Variants in NUP155 observed in about 807,000 individuals in gnomAD.
The protein encoded by NUP155 is nucleoporin 155.
A neutral mutation model predicts 180.4 loss-of-function variants in NUP155; 71 were observed. The observed-to-expected ratio is 0.39, with a 90% CI of 0.33 to 0.48. The LOEUF is 0.48. Among genes scored for constraint, NUP155 ranks in the 20% least tolerant of loss-of-function variants. The pLI is 0.91. For synonymous variants in NUP155, 582 were observed against 559.5 expected, an observed-to-expected ratio of 1.04 and a Z score of -0.57; for missense variants, 1,553 against 1,648.9, an observed-to-expected ratio of 0.94 and a Z score of 1.01.
intron 21 of NUP155, 129 bp from the exon 22 acceptor site, chr5:37,314,457 T>C: frequency 1.5e-6 from 1 of 677,738 alleles, no homozygotes. Context: ...GCAACCATGA[T>C]AATCAGTAGT....
chr5:37,368,578 G>A (rs1045968663), intron 1 of NUP155, among the ~76,000 whole-genome samples: 1 of 151,868 alleles, frequency 6.6e-6, no homozygotes, highest in Non-Finnish European at 1.5e-5. Flanking sequence ...CCAACACTTT[G>A]GGAGGCCGAG....
chr5:37,336,973 G>T (rs2150972285), intron 12 of NUP155, among the ~76,000 whole-genome samples: 1 of 152,334 alleles, frequency 6.6e-6, no homozygotes, highest in Middle Eastern at 3.4e-3. Context: ...CAGAGTACCA[G>T]ACATTCACAC....
intron 15 of NUP155, among the ~76,000 whole-genome samples, chr5:37,329,737 T>C (rs1040380447): frequency 3.3e-5 from 5 of 152,152 alleles, no homozygotes; most frequent in Non-Finnish European, 5.9e-5. Context: ...ATTGGCATAG[T>C]GTTTGGGGAA....
chr5:37,321,314 G>C (rs1214797825), intron 20 of NUP155, among the ~76,000 whole-genome samples: 2 of 150,952 alleles, frequency 1.3e-5, no homozygotes, highest in East Asian at 2.0e-4. Context: ...CCACTGCATT[G>C]CAGCCTGGGC....
At chr5:37,348,366 T>G (rs563179158) in intron 9 of NUP155, 139 bp downstream of exon 9, 1 of 678,462 alleles carries the variant, frequency 1.5e-6, no homozygotes, top group East Asian at 2.7e-5. Context: ...TCAAACATAA[T>G]GTAGAGTGTC....
chr5:37,337,049 A>G (rs1024995895), intron 12 of NUP155, among the ~76,000 whole-genome samples: 1 of 152,120 alleles, frequency 6.6e-6, no homozygotes, highest in African/African-American at 2.4e-5. Context: ...ACTATTCAGG[A>G]GGACAGGCAG....
chr5:37,307,944 A>G (rs1743267037), intron 24 of NUP155, among the ~76,000 whole-genome samples: 1 of 4,434 alleles, frequency 2.3e-4, no homozygotes, highest in African/African-American at 1.3e-3. Context: ...AGAAAAAGGA[A>G]AAAAAAAAAT....
chr5:37,362,144 G>C (rs558864570), intron 3 of NUP155, among the ~76,000 whole-genome samples: 1 of 152,156 alleles, frequency 6.6e-6, no homozygotes, highest in Non-Finnish European at 1.5e-5. Flanking sequence ...CAGTAAGGTA[G>C]GACTGTTTGT....
chr5:37,352,575 A>T (rs1383978568), intron 5 of NUP155, among the ~76,000 whole-genome samples, 162 bp downstream of exon 5: 1 of 152,052 alleles, frequency 6.6e-6, no homozygotes, highest in Admixed American at 6.6e-5. Flanking sequence ...CAAAAAACTA[A>T]CCCAATGTTA....
Position 37,353,778 on chromosome 5 carries a change from A to C in NUP155, c.464-949T>G, listed in dbSNP as rs1210289927. Among the ~76,000 whole-genome samples, 9 of 152,124 alleles carry C rather than the reference A, an allele frequency of 5.9e-5. No homozygotes were observed. In the South Asian group the frequency reaches 6.2e-4, roughly 11 times the overall value. The stretch of plus-strand genomic sequence containing the variant: ...GACAAAAAGTGGAATGGTTACTACC[A>C]ACTGCTGAGGGAAGGAGGAACAGGA... On this transcript the variant is annotated intron_variant, in intron 4 of 34. Transcript: ENST00000231498.
intron 12 of NUP155, among the ~76,000 whole-genome samples, chr5:37,333,908 T>A (rs1233396033): frequency 6.6e-6 from 1 of 151,972 alleles, no homozygotes; most frequent in Non-Finnish European, 1.5e-5. Context: ...TTCAAGTGAT[T>A]CTCCTGCCTC....
intron 30 of NUP155, 172 bp downstream of exon 30, chr5:37,301,265 G>A (rs1369522589): frequency 3.5e-6 from 2 of 570,946 alleles, no homozygotes; most frequent in Non-Finnish European, 6.2e-6. Flanking sequence ...CTTTTTCTAG[G>A]AGTCAGATGA....
chr5:37,301,984 G>A (rs941518341), intron 29 of NUP155, among the ~76,000 whole-genome samples: 2 of 152,214 alleles, frequency 1.3e-5, no homozygotes, highest in African/African-American at 2.4e-5. Flanking sequence ...GGTAGTGCCA[G>A]AAAATAGAAC....
intron 27 of NUP155, among the ~76,000 whole-genome samples, chr5:37,303,996 C>G (rs1409352809): frequency 6.6e-6 from 1 of 151,398 alleles, no homozygotes; most frequent in Non-Finnish European, 1.5e-5. Flanking sequence ...GCCTGTAATC[C>G]CAGCACTTCG....
At chr5:37,335,675 C>T (rs1745284373) in intron 12 of NUP155, among the ~76,000 whole-genome samples, 1 of 152,014 alleles carries the variant, frequency 6.6e-6, no homozygotes, top group Admixed American at 6.6e-5. Context: ...ATTGGCTGGA[C>T]GACACGGCTT....
At chr5:37,327,556 C>T in intron 18 of NUP155, 73 bp downstream of exon 18, 11 of 1,532,692 alleles carry the variant, frequency 7.2e-6, no homozygotes, top group Non-Finnish European at 8.1e-6. Context: ...GTCCCAAATT[C>T]AGAGTTAAAA....
At chr5:37,354,879 G>T (rs897818671) in intron 4 of NUP155, among the ~76,000 whole-genome samples, 1 of 152,028 alleles carries the variant, frequency 6.6e-6, no homozygotes, top group Non-Finnish European at 1.5e-5. Context: ...ATCACTTGAG[G>T]TCAGGAGTTC....
chr5:37,306,351 T>C (rs1356639892), intron 25 of NUP155, among the ~76,000 whole-genome samples: 1 of 152,138 alleles, frequency 6.6e-6, no homozygotes, highest in Non-Finnish European at 1.5e-5. Context: ...AAGAGTACAG[T>C]GAGCTATGAT....
At chr5:37,329,771 A>T (rs1744836029) in intron 15 of NUP155, among the ~76,000 whole-genome samples, 1 of 152,210 alleles carries the variant, frequency 6.6e-6, no homozygotes, top group Non-Finnish European at 1.5e-5. Flanking sequence ...ATGAGACAGT[A>T]ACTGAGGTAG....
Sources: allele counts gnomAD v4.1 joint callset (sites outside exome capture counted in the v4.1 genomes callset), GRCh38; gene constraint gnomAD v4.1.1; transcripts MANE v1.5; gene names NCBI Gene and HGNC (gene_info 2026-07-23, HGNC 2026-07-21).